USP21: variants seen among roughly 807,000 people sequenced by gnomAD.
USP21 encodes ubiquitin specific peptidase 21, also known as ubiquitin carboxyl-terminal hydrolase 21.
USP21 carries 37 observed loss-of-function variants against 70.8 expected under a neutral mutation model. The ratio of observed to expected loss-of-function variants is 0.52; its 90% CI spans 0.40 to 0.69. The LOEUF (loss-of-function observed/expected upper bound fraction) is 0.69, where lower values mean the gene tolerates loss of function less well. USP21 is among the 30% of genes least tolerant of loss of function. The pLI, the probability that USP21 is intolerant of heterozygous loss-of-function variation, is 0.00. For synonymous variants in USP21, 263 were observed against 283.1 expected, an observed-to-expected ratio of 0.93 and a Z score of 0.71; for missense variants, 584 against 740.8, an observed-to-expected ratio of 0.79 and a Z score of 2.46.
At position 161,160,516 on chromosome 1, in the gene USP21, G is replaced by A; in HGVS notation, c.-22+10G>A. On this transcript the variant is annotated intron_variant, in intron 2 of 13. Transcript: ENST00000368002. ...GACAGCAAGATTGTGGGTATGGAAT[G>A]GGGCAAAGCAATAAGGGAAAATTAG... The A allele has an allele frequency of 8.2e-7, 1 of 1,215,162 alleles. No individual in the cohort carries two copies. Among genetic ancestry groups the A allele is most frequent in the African/African-American group, 1.5e-5 (1 of 65,988 alleles). 75.3% of individuals were successfully genotyped at this position (1,215,162 alleles called of 1,614,324 possible). A position where few individuals can be genotyped will look rare whatever the true frequency, so the allele number is the denominator to read the frequency against.
chr1:161,160,343 C>T (rs567262745), intron 1 of USP21, 23 bp from the exon 2 acceptor site: 2 of 465,762 alleles, frequency 4.3e-6, no homozygotes, highest in Non-Finnish European at 7.9e-6. Context: ...TAAGTATTTA[C>T]TTTGTACCAA....
rs1408040895 is a variant in USP21 at position 161,161,480 on chromosome 1, T to C, written c.600+240T>C. 2 of 507,588 alleles carry C rather than the reference T, an allele frequency of 3.9e-6. No individual in the cohort carries two copies. The highest frequency in any genetic ancestry group is 1.9e-5 in the African/African-American group (1 of 52,036). The allele number at this position is 507,588 out of a possible 1,614,324, so 31.4% of individuals were successfully genotyped here. ...TCCCCAGGGGATTACCCCAACTATT[T>C]AGAATTCTTCTTTGGGTCCCCAGGC... is the stretch of plus-strand genomic sequence containing the variant. On this transcript the variant is annotated intron_variant, in intron 3 of 13. Transcript: ENST00000368002. The surrounding 1 kb of genome is among the most constrained non-coding windows in gnomAD (Gnocchi z 4.2).
intron 7 of USP21, among the ~76,000 whole-genome samples, chr1:161,163,332 AG>A (rs1658104165): frequency 1.3e-5 from 2 of 152,234 alleles, no homozygotes; most frequent in Non-Finnish European, 2.9e-5. Flanking sequence ...AGAGGAAGAC[AG>A]CATATTCTTC....
chr1:161,163,483 C>G, intron 7 of USP21, 72 bp from the exon 8 acceptor site: 1 of 1,414,478 alleles, frequency 7.1e-7, no homozygotes, highest in Non-Finnish European at 1.0e-6. Context: ...TAGGTTGTTT[C>G]AGTGGGTGTT....
In USP21 at chr1:161,162,899, T is replaced by TA. The variant is rs762142247; in HGVS notation, c.894-19dup. On this transcript the variant is annotated intron_variant, in intron 6 of 13. Coordinates refer to ENST00000368002, the MANE Select transcript of USP21 (RefSeq NM_001014443.3). This position sits in a 1 kb window ranked among gnomAD's most constrained non-coding sequence, Gnocchi z 4.1. ...GACTAGGAGAGGAGTCAGTTGCCCATACTCTTTGTCTGGCTGTAGCCAGCA... is the reference window on the plus strand; with the variant it reads ...GACTAGGAGAGGAGTCAGTTGCCCATAACTCTTTGTCTGGCTGTAGCCAGCA... 9 of 1,603,084 alleles carry TA rather than the reference T, an allele frequency of 5.6e-6. No individual in the cohort carries two copies. The highest frequency in any genetic ancestry group is 7.7e-6 in the Non-Finnish European group (9 of 1,173,612).
intron 13 of USP21, 69 bp from the exon 14 acceptor site, chr1:161,165,288 T>A (rs998553241): frequency 6.7e-7 from 1 of 1,502,354 alleles, no homozygotes; most frequent in African/African-American, 1.4e-5. Context: ...GCTCTGAGGT[T>A]CGGTCTTGTA....
Position 161,161,624 on chromosome 1 carries a change from A to G in USP21, c.600+384A>G. 2 of 360,692 alleles carry G rather than the reference A, an allele frequency of 5.5e-6. No individual in the cohort carries two copies. The highest frequency in any genetic ancestry group is 1.0e-5 in the Non-Finnish European group (2 of 196,456). 22.3% of individuals were successfully genotyped at this position (360,692 alleles called of 1,614,324 possible). On this transcript the variant is annotated intron_variant, in intron 3 of 13. Transcript: ENST00000368002. This position sits in a 1 kb window ranked among gnomAD's most constrained non-coding sequence, Gnocchi z 4.2. ...AGCAAACGTGGTTGCACATTTTCTG[A>G]GCTAAGTAAGCTAGGCTGATTGCAA...
chr1:161,165,263 G>C, intron 13 of USP21, 94 bp from the exon 14 acceptor site: 1 of 1,431,958 alleles, frequency 7.0e-7, no homozygotes, highest in Non-Finnish European at 9.8e-7. Context: ...GGTCTTGCCT[G>C]ATCATTTCCT....
Position 161,160,789 on chromosome 1 carries a change from G to A in USP21, c.149G>A (p.Arg50Gln), listed in dbSNP as rs115968198. 452 of 1,614,176 alleles carry A rather than the reference G, an allele frequency of 2.8e-4. 5 individuals carry two copies. The East Asian group carries it at 9.4e-3, about 34-fold the overall frequency. Residue 50 changes from arginine (R) to glutamine (Q), a missense_variant, in exon 3 of 14, where the codon CGA (arginine) becomes CAA (glutamine). By Grantham distance (43) the Arg-to-Gln change is conservative. Around this residue, in one of 4 missense-constraint regions of USP21, gnomAD observed 284 missense variants for 281.0 expected, o/e 1.01. Coordinates refer to ENST00000368002, the MANE Select transcript of USP21 (RefSeq NM_001014443.3). ...GCCTCTGGGCCAAACCCCATGTTAC[G>A]ACCTCTGCCTCCCCGGCCAGGTCTG... ...NPASGPNPML[R>Q]PLPPRPGLPD...
Position 161,160,389 on chromosome 1 carries a change from T to G in USP21, c.-139T>G, listed in dbSNP as rs1657810599. 1 of 567,070 alleles carries G rather than the reference T, an allele frequency of 1.8e-6. No individual in the cohort carries two copies. Among genetic ancestry groups the G allele is most frequent in the South Asian group, 2.3e-5 (1 of 44,278 alleles). The allele number at this position is 567,070 out of a possible 1,614,324, so 35.1% of individuals were successfully genotyped here. ...AGGTACTGGGGATACGATGGCTGAT[T>G]CGATAGATCTGGTTCCTGCCCTCAG... On this transcript the variant is annotated 5_prime_UTR_variant, in exon 2 of 14. The change creates a new upstream start codon in the 5' untranslated region. Coordinates refer to ENST00000368002, the MANE Select transcript of USP21 (RefSeq NM_001014443.3).
chr1:161,165,604 C>A lies in USP21; in HGVS notation c.*157C>A, dbSNP rs991222856. The stretch of plus-strand genomic sequence containing the variant: ...ATTTTTTTTATTAAAAAATACCCTT[C>A]CACCTGGAGGCTCCCTTGTCTCCCA... On this transcript the variant is annotated 3_prime_UTR_variant, in exon 14 of 14. Transcript: ENST00000368002. 26 of 595,926 alleles carry A rather than the reference C, an allele frequency of 4.4e-5. No individual in the cohort carries two copies. The highest frequency in any genetic ancestry group is 4.3e-4 in the African/African-American group (23 of 53,856). 36.9% of individuals were successfully genotyped at this position (595,926 alleles called of 1,614,324 possible). A position where few individuals can be genotyped will look rare whatever the true frequency, so the allele number is the denominator to read the frequency against.
rs1658010239 is a variant in USP21 at position 161,162,545 on chromosome 1, C to T, written c.782-70C>T. ...TTTCCTAAAGGTTATTTTCTACCCTCTGAGCCACCTTTTGCTTGCCTCTTC... is the reference window on the plus strand; with the variant it reads ...TTTCCTAAAGGTTATTTTCTACCCTTTGAGCCACCTTTTGCTTGCCTCTTC... On this transcript the variant is annotated intron_variant, in intron 5 of 13. Coordinates refer to ENST00000368002, the MANE Select transcript of USP21 (RefSeq NM_001014443.3). The surrounding 1 kb of genome is among the most constrained non-coding windows in gnomAD (Gnocchi z 4.1). 1.7e-5 allele frequency: 26 copies of T among 1,526,404 alleles called. No homozygotes were observed. The highest frequency in any genetic ancestry group is 2.4e-5 in the Non-Finnish European group (26 of 1,102,462). 94.6% of individuals were successfully genotyped at this position (1,526,404 alleles called of 1,614,324 possible).
intron 7 of USP21, 143 bp downstream of exon 7, chr1:161,163,217 G>A: frequency 9.1e-6 from 10 of 1,094,256 alleles, no homozygotes; most frequent in Non-Finnish European, 1.3e-5. Context: ...CAACATAGAA[G>A]TAGAAGGAAG....
rs148485578 is a variant in USP21, at chr1:161,161,062, G to T, written c.422G>T (p.Arg141Leu). 6 of 1,614,120 alleles carry T rather than the reference G, an allele frequency of 3.7e-6. No homozygotes were observed. The highest frequency in any genetic ancestry group is 1.6e-4 in the Middle Eastern group (1 of 6,084). The change falls in exon 3 of 14, where the codon CGC becomes CTC. Residue 141 changes from arginine (R) to leucine (L), a missense_variant. Arg to Leu is a moderately radical substitution (Grantham distance 102). Transcript: ENST00000368002. The surrounding 1 kb of genome is among the most constrained non-coding windows in gnomAD (Gnocchi z 4.2). ...GGAGAGCTTGGGGCTGCACTGAGCC[G>T]CTTGGCCCTCCGGCCTGAGCCACCC... ...GTGELGAALSRLALRPEPPTL... is the reference protein window; with the variant it reads ...GTGELGAALSLLALRPEPPTL...
At position 161,161,360 on chromosome 1, in the gene USP21, G is replaced by C; in HGVS notation, c.600+120G>C. On this transcript the variant is annotated intron_variant, in intron 3 of 13. Transcript: ENST00000368002. The surrounding 1 kb of genome is among the most constrained non-coding windows in gnomAD (Gnocchi z 4.2). ...CCTTTCTCAGCCCTTCATTACAGCA[G>C]TTTGGACATGCCTCTCCCTTGCTTA... The C allele has an allele frequency of 7.8e-7, 1 of 1,286,550 alleles. No homozygotes were observed. Among genetic ancestry groups the C allele is most frequent in the Non-Finnish European group, 1.1e-6 (1 of 943,334 alleles). The allele number at this position is 1,286,550 out of a possible 1,614,324, so 79.7% of individuals were successfully genotyped here.
intron 8 of USP21, 56 bp downstream of exon 8, chr1:161,163,675 T>C: frequency 8.4e-6 from 8 of 950,618 alleles, no homozygotes; most frequent in Non-Finnish European, 1.3e-5. Flanking sequence ...GGGTACAGGC[T>C]TGGGGGGAAA....
chr1:161,164,041 C>A lies in USP21; in HGVS notation c.1218+60C>A. ...AGGGGCTCTGTGACCCAAGCCTACC[C>A]ACCCCCAGAGTGTGGGCGGGAACCC... On this transcript the variant is annotated intron_variant, in intron 9 of 13. Coordinates refer to ENST00000368002, the MANE Select transcript of USP21 (RefSeq NM_001014443.3). This position sits in a 1 kb window ranked among gnomAD's most constrained non-coding sequence, Gnocchi z 4.2. 1 of 1,590,976 alleles carries A rather than the reference C, an allele frequency of 6.3e-7. No individual in the cohort carries two copies. Among genetic ancestry groups the A allele is most frequent in the Non-Finnish European group, 8.6e-7 (1 of 1,159,250 alleles).
At position 161,162,600 on chromosome 1, in the gene USP21, C is replaced by CTCCCA; in HGVS notation, c.782-9_782-5dup. On this transcript the variant is annotated splice_polypyrimidine_tract_variant and intron_variant, in intron 5 of 13. Transcript: ENST00000368002. This position sits in a 1 kb window ranked among gnomAD's most constrained non-coding sequence, Gnocchi z 4.1. ...CATTAACCTTTGTTTGCCTTCCCCA[C>CTCCCA]TCCCATCCCAACAGCCTTTGCAGAT... 1 of 1,599,366 alleles carries CTCCCA rather than the reference C, an allele frequency of 6.3e-7. No homozygotes were observed. The highest frequency in any genetic ancestry group is 8.6e-7 in the Non-Finnish European group (1 of 1,166,648).
chr1:161,165,351 T>C lies in USP21; in HGVS notation c.1608-6T>C. On this transcript the variant is annotated splice_polypyrimidine_tract_variant and splice_region_variant and intron_variant, in intron 13 of 13. Transcript: ENST00000368002. Reference sequence around the variant, plus strand: ...ACAACCCTTTCCCGATCTCCTTTTTTCCTAGTGTCTCCCCTGTCAGTGAAA... The same window carrying C: ...ACAACCCTTTCCCGATCTCCTTTTTCCCTAGTGTCTCCCCTGTCAGTGAAA... 6.8e-6 allele frequency: 11 copies of C among 1,613,732 alleles called. No individual in the cohort carries two copies. The highest frequency in any genetic ancestry group is 6.8e-6 in the Non-Finnish European group (8 of 1,179,668).
Sources: allele counts gnomAD v4.1 joint callset (sites outside exome capture counted in the v4.1 genomes callset), GRCh38; gene constraint gnomAD v4.1.1; regional missense constraint gnomAD v4.1.1; non-coding constraint Gnocchi (gnomAD v3.1); transcripts MANE v1.5; gene names NCBI Gene and HGNC (gene_info 2026-07-23, HGNC 2026-07-21).